The following PITPNB variants were observed in gnomAD, a reference collection of about 807,000 sequenced individuals.
PITPNB encodes the protein phosphatidylinositol transfer protein beta isoform.
PITPNB carries 16 observed loss-of-function variants against 45.9 expected under a neutral mutation model. That is an observed-to-expected ratio of 0.35 (90% CI 0.24 to 0.53). The LOEUF is 0.53. Ranked by LOEUF, PITPNB falls within the 20% of genes least tolerant of loss-of-function variation. The pLI is 0.93. For missense variants in PITPNB, 188 were observed against 330.5 expected (o/e 0.57, Z 3.34); for synonymous variants, 112 against 108.9 (o/e 1.03, Z -0.18).
intron 3 of PITPNB, among the ~76,000 whole-genome samples, chr22:27,909,670 C>T (rs1935862795): frequency 6.6e-6 from 1 of 152,122 alleles, no homozygotes; most frequent in Non-Finnish European, 1.5e-5. Context: ...GCAGTAATAT[C>T]AAAATTTAAA....
intron 3 of PITPNB, among the ~76,000 whole-genome samples, chr22:27,901,789 C>CA (rs1271203691): frequency 6.6e-6 from 1 of 152,062 alleles, no homozygotes; most frequent in African/African-American, 2.4e-5. Context: ...GAGGCTGAGG[C>CA]AGGAGAGTCG....
intron 8 of PITPNB, among the ~76,000 whole-genome samples, chr22:27,864,800 T>G (rs1323635412): frequency 2.0e-5 from 3 of 152,010 alleles, no homozygotes; most frequent in African/African-American, 7.3e-5. Flanking sequence ...TAGCTGGTCA[T>G]GGTGGCGGGT....
intron 8 of PITPNB, among the ~76,000 whole-genome samples, chr22:27,861,336 G>A (rs887380275): frequency 6.6e-6 from 1 of 152,008 alleles, no homozygotes; most frequent in African/African-American, 2.4e-5. Flanking sequence ...AATAAACTGG[G>A]GTGGGAGGTG....
chr22:27,861,868 T>G (rs1382153994), intron 8 of PITPNB, among the ~76,000 whole-genome samples: 2 of 152,340 alleles, frequency 1.3e-5, no homozygotes, highest in African/African-American at 4.8e-5. Context: ...AGTTCTCTCT[T>G]TCCCTTGTTC....
chr22:27,873,697 T>C (rs778122447), intron 8 of PITPNB, 41 bp downstream of exon 8: 7 of 1,222,350 alleles, frequency 5.7e-6, no homozygotes, highest in Non-Finnish European at 8.5e-6. Context: ...AAGTGTTCTG[T>C]TGCCAAGACT....
chr22:27,912,572 G>A (rs562057443), intron 2 of PITPNB, among the ~76,000 whole-genome samples: 5 of 151,838 alleles, frequency 3.3e-5, no homozygotes, highest in South Asian at 2.1e-4. Flanking sequence ...CCAAAAAAAC[G>A]TTAATGGACT....
intron 9 of PITPNB, among the ~76,000 whole-genome samples, chr22:27,859,797 C>A (rs2146348117): frequency 6.6e-6 from 1 of 152,322 alleles, no homozygotes; most frequent in East Asian, 1.9e-4. Flanking sequence ...GCTGGGCCCG[C>A]TCTCTCCCTC....
chr22:27,898,666 C>T (rs1935504455), intron 3 of PITPNB, among the ~76,000 whole-genome samples: 2 of 151,888 alleles, frequency 1.3e-5, no homozygotes, highest in Admixed American at 6.6e-5. Context: ...ATGTAAAGGA[C>T]CCATGCAGAA....
intron 8 of PITPNB, among the ~76,000 whole-genome samples, chr22:27,867,675 A>G (rs1354996825): frequency 6.6e-6 from 1 of 152,188 alleles, no homozygotes; most frequent in African/African-American, 2.4e-5. Flanking sequence ...TTCACCTTCA[A>G]ATGAAACTCA....
At chr22:27,901,543 C>T (rs1335746276) in intron 3 of PITPNB, among the ~76,000 whole-genome samples, 3 of 152,096 alleles carry the variant, frequency 2.0e-5, no homozygotes, top group African/African-American at 4.8e-5. Context: ...CACTGTGATG[C>T]CTTCTCTTCA....
rs116514539 is a variant in PITPNB, at chr22:27,879,531, T to C, written c.457-5716A>G. On this transcript the variant is annotated intron_variant, in intron 7 of 11. Coordinates refer to ENST00000335272, the MANE Select transcript of PITPNB (RefSeq NM_012399.5). ...GCTTTGGGCAGTTCATGCACAAATA[T>C]AGAATATATTTATTATTGTAATATT... Among the ~76,000 whole-genome samples, 1,034 of 152,230 alleles carry C rather than the reference T, an allele frequency of 6.8e-3. 7 individuals are homozygous for C. Among genetic ancestry groups the C allele is most frequent in the African/African-American group, 0.023 (936 of 41,552 alleles).
At chr22:27,880,901 G>A (rs1419165442) in intron 7 of PITPNB, among the ~76,000 whole-genome samples, 4 of 152,188 alleles carry the variant, frequency 2.6e-5, no homozygotes, top group African/African-American at 4.8e-5. Flanking sequence ...GATTACAGGC[G>A]TGAGCCACTG....
chr22:27,897,912 G>C lies in PITPNB; in HGVS notation c.198-20C>G. The C allele has an allele frequency of 6.6e-7, 1 of 1,515,778 alleles. No homozygotes were observed. Among genetic ancestry groups the C allele is most frequent in the South Asian group, 1.1e-5 (1 of 88,974 alleles). 93.9% of individuals were successfully genotyped at this position (1,515,778 alleles called of 1,614,324 possible). ...ACTTTGCTGGGAGAAGAGAGATACT[G>C]GATATATTTAACAGCACCATCAATT... On this transcript the variant is annotated intron_variant, in intron 3 of 11. Transcript: ENST00000335272.
intron 8 of PITPNB, among the ~76,000 whole-genome samples, chr22:27,864,426 A>T (rs1934422950): frequency 6.6e-6 from 1 of 152,202 alleles, no homozygotes; most frequent in African/African-American, 2.4e-5. Flanking sequence ...AAAAAGTCTT[A>T]AAAGCTGTTC....
At chr22:27,891,703 T>C (rs373996758) in intron 7 of PITPNB, among the ~76,000 whole-genome samples, 1 of 152,150 alleles carries the variant, frequency 6.6e-6, no homozygotes, top group Non-Finnish European at 1.5e-5. Flanking sequence ...CCTGCCGCCA[T>C]GTAAAACGTG....
intron 8 of PITPNB, among the ~76,000 whole-genome samples, chr22:27,872,509 A>G (rs1934698668): frequency 6.6e-6 from 1 of 152,222 alleles, no homozygotes; most frequent in Admixed American, 6.5e-5. Context: ...CCCAGAGAAC[A>G]AATGTGAAAA....
At chr22:27,891,729 A>G (rs544373756) in intron 7 of PITPNB, among the ~76,000 whole-genome samples, 1 of 152,230 alleles carries the variant, frequency 6.6e-6, no homozygotes, top group East Asian at 1.9e-4. Context: ...TTCCCCTTCC[A>G]CCATGACTGT....
At position 27,852,827 on chromosome 22, in the gene PITPNB, T is replaced by C. The variant is rs1934060104; in HGVS notation, c.*875A>G. 4 of 152,688 alleles carry C rather than the reference T, an allele frequency of 2.6e-5. No homozygotes were observed. The highest frequency in any genetic ancestry group is 2.6e-4 in the Admixed American group (4 of 15,286). 9.5% of individuals were successfully genotyped at this position (152,688 alleles called of 1,614,324 possible). ...ATTAAGACTAATTTCTTCATCAATG[T>C]GTTTGTCTAACAGGAGCCTGAAAAC... On this transcript the variant is annotated 3_prime_UTR_variant, in exon 12 of 12. Transcript: ENST00000335272.
Position 27,902,393 on chromosome 22 carries a change from G to A in PITPNB, c.198-4501C>T, listed in dbSNP as rs149298013. Among the ~76,000 whole-genome samples, 1,044 of 152,272 alleles carry A rather than the reference G, an allele frequency of 6.9e-3. 12 individuals carry two copies. Among genetic ancestry groups the A allele is most frequent in the African/African-American group, 0.024 (1,007 of 41,540 alleles). On this transcript the variant is annotated intron_variant, in intron 3 of 11. Coordinates refer to ENST00000335272, the MANE Select transcript of PITPNB (RefSeq NM_012399.5). ...CCCACCTTATACGTCACAGAGTTTA[G>A]ATTTTATTCTTTGGATGATGGGAAG...
Sources: gnomAD v4.1 joint callset for allele counts (sites outside exome capture counted in the v4.1 genomes callset) on GRCh38, gnomAD v4.1.1 for gene constraint, MANE v1.5 for transcripts, NCBI Gene and HGNC (gene_info 2026-07-23, HGNC 2026-07-21) for gene names.